MAPKAP1: variants seen among roughly 807,000 people sequenced by gnomAD.
The protein encoded by MAPKAP1 is target of rapamycin complex 2 subunit MAPKAP1.
A neutral mutation model predicts 65.7 loss-of-function variants in MAPKAP1; 20 were observed. The ratio of observed to expected loss-of-function variants is 0.30; its 90% CI spans 0.21 to 0.44. The LOEUF (loss-of-function observed/expected upper bound fraction) is 0.44. MAPKAP1 is among the 20% of genes least tolerant of loss of function. The pLI is 1.00. For synonymous variants in MAPKAP1, 222 were observed against 244.3 expected, an observed-to-expected ratio of 0.91 and a Z score of 0.85; for missense variants, 423 against 648.0, an observed-to-expected ratio of 0.65 and a Z score of 3.77.
At chr9:125,610,824 A>C (rs1213775988) in intron 4 of MAPKAP1, among the ~76,000 whole-genome samples, 1 of 152,224 alleles carries the variant, frequency 6.6e-6, no homozygotes, top group African/African-American at 2.4e-5. Context: ...GGTAGAAGCA[A>C]ACGCAGATCC....
intron 6 of MAPKAP1, among the ~76,000 whole-genome samples, chr9:125,557,176 A>G (rs1236146492): frequency 1.3e-5 from 2 of 152,184 alleles, no homozygotes; most frequent in Non-Finnish European, 2.9e-5. Context: ...CAGGGTTCAT[A>G]GTGAAACACT....
chr9:125,499,399 T>A (rs1266786762), intron 8 of MAPKAP1, among the ~76,000 whole-genome samples: 3 of 152,254 alleles, frequency 2.0e-5, no homozygotes, highest in Non-Finnish European at 4.4e-5. Flanking sequence ...TTTAAAATAA[T>A]AAATTGTTTT....
intron 1 of MAPKAP1, among the ~76,000 whole-genome samples, chr9:125,694,328 C>T (rs1005251686): frequency 2.2e-5 from 3 of 137,512 alleles, no homozygotes; most frequent in Non-Finnish European, 4.7e-5. Flanking sequence ...ACTCCATTTC[C>T]AAAAAAAAAA....
chr9:125,568,917 TA>T (rs34875434), intron 5 of MAPKAP1: 321 of 175,738 alleles, frequency 1.8e-3, no homozygotes, highest in South Asian at 4.8e-3. Context: ...ATGAATGGTT[TA>T]AAAAAAAAAT....
At chr9:125,686,709 G>A (rs1834990351) in intron 1 of MAPKAP1, among the ~76,000 whole-genome samples, 1 of 152,186 alleles carries the variant, frequency 6.6e-6, no homozygotes, top group Admixed American at 6.5e-5. Context: ...GAGGTACGAG[G>A]AATCTCTTTT....
chr9:125,485,583 T>C (rs1854475692), intron 8 of MAPKAP1, among the ~76,000 whole-genome samples: 2 of 152,210 alleles, frequency 1.3e-5, no homozygotes, highest in Admixed American at 1.3e-4. Context: ...TGCACAGTGC[T>C]TCAGGCTTTT....
At chr9:125,527,825 C>T (rs1829817693) in intron 7 of MAPKAP1, among the ~76,000 whole-genome samples, 1 of 152,192 alleles carries the variant, frequency 6.6e-6, no homozygotes, top group Non-Finnish European at 1.5e-5. Flanking sequence ...ATCTGGGCGG[C>T]AACACTAATT....
At chr9:125,698,288 A>AAAT (rs1256292184) in intron 1 of MAPKAP1, among the ~76,000 whole-genome samples, 19 of 49,048 alleles carry the variant, frequency 3.9e-4, no homozygotes, top group African/African-American at 1.9e-3. Context: ...AATATATATA[A>AAAT]ATATATATAT....
At position 125,552,085 on chromosome 9, in the gene MAPKAP1, T is replaced by C. The variant is rs139421378; in HGVS notation, c.848+7548A>G. On this transcript the variant is annotated intron_variant, in intron 6 of 11. Coordinates refer to ENST00000265960, the MANE Select transcript of MAPKAP1 (RefSeq NM_001006617.3). Reference sequence around the variant, plus strand: ...GACACTACTGATATCCAAACATCTTTACTGCTTAAGCTCAAAGTAGTCAGC... The same window carrying C: ...GACACTACTGATATCCAAACATCTTCACTGCTTAAGCTCAAAGTAGTCAGC... 2.2e-4 allele frequency among the ~76,000 whole-genome samples: 34 copies of C among 152,344 alleles called. 1 individual carries two copies. Among genetic ancestry groups the C allele is most frequent in the Middle Eastern group, 6.8e-3 (2 of 294 alleles).
chr9:125,488,484 G>A (rs1053905523), intron 8 of MAPKAP1, among the ~76,000 whole-genome samples: 1 of 152,194 alleles, frequency 6.6e-6, no homozygotes, highest in African/African-American at 2.4e-5. Flanking sequence ...TCCTGCCTCA[G>A]CCTCCCAGGT....
chr9:125,656,556 A>C (rs1331006544), intron 4 of MAPKAP1, among the ~76,000 whole-genome samples: 3 of 152,160 alleles, frequency 2.0e-5, no homozygotes, highest in Non-Finnish European at 4.4e-5. Context: ...AAACCTGCTG[A>C]ATTGTAGGAA....
intron 1 of MAPKAP1, among the ~76,000 whole-genome samples, chr9:125,690,370 C>T (rs78603689): frequency 0.021 from 3,124 of 152,306 alleles, 40 homozygotes; most frequent in South Asian, 0.041. Context: ...CTACCCTTTG[C>T]AGTGGAGGAA....
At chr9:125,658,978 C>T (rs1418796010) in intron 3 of MAPKAP1, among the ~76,000 whole-genome samples, 3 of 152,104 alleles carry the variant, frequency 2.0e-5, no homozygotes, top group Non-Finnish European at 4.4e-5. Flanking sequence ...AGCTGGGCAC[C>T]GTGGCTCAAA....
intron 4 of MAPKAP1, chr9:125,596,046 C>T (rs2131599919): frequency 6.8e-6 from 9 of 1,323,766 alleles, no homozygotes; most frequent in South Asian, 3.5e-5. Flanking sequence ...TTTTGAACAG[C>T]GTGGAAAAAC....
intron 4 of MAPKAP1, among the ~76,000 whole-genome samples, chr9:125,602,280 CA>C (rs1440352998): frequency 2.0e-5 from 3 of 152,224 alleles, no homozygotes; most frequent in Non-Finnish European, 4.4e-5. Flanking sequence ...ATATAAACAT[CA>C]GCAAATGAAA....
At chr9:125,459,223 G>A (rs1373784646) in intron 10 of MAPKAP1, among the ~76,000 whole-genome samples, 25 of 144,788 alleles carry the variant, frequency 1.7e-4, no homozygotes, top group African/African-American at 4.8e-4. Flanking sequence ...GATGGGCGGC[G>A]GGGCAGAGAG....
At chr9:125,576,784 G>A (rs2131553625) in intron 5 of MAPKAP1, among the ~76,000 whole-genome samples, 1 of 152,370 alleles carries the variant, frequency 6.6e-6, no homozygotes, top group South Asian at 2.1e-4. Flanking sequence ...GCCTCCCGAG[G>A]TGCTGGGATT....
chr9:125,592,870 T>C (rs1273331671), intron 4 of MAPKAP1, among the ~76,000 whole-genome samples: 1 of 123,350 alleles, frequency 8.1e-6, no homozygotes, highest in African/African-American at 3.1e-5. Flanking sequence ...ACCACTGCAG[T>C]CCAGCCTGGG....
At chr9:125,634,156 G>T (rs753482569) in intron 4 of MAPKAP1, among the ~76,000 whole-genome samples, 2 of 152,138 alleles carry the variant, frequency 1.3e-5, no homozygotes, top group Non-Finnish European at 2.9e-5. Context: ...TTTCAGGGGG[G>T]CTCCTTCATT....
Sources: gnomAD v4.1 joint callset for allele counts (sites outside exome capture counted in the v4.1 genomes callset) on GRCh38, gnomAD v4.1.1 for gene constraint, MANE v1.5 for transcripts, NCBI Gene and HGNC (gene_info 2026-07-23, HGNC 2026-07-21) for gene names.